TEKTIP1: variants seen among roughly 807,000 people sequenced by gnomAD.
TEKTIP1 encodes the protein tektin bundle interacting protein 1.
chr19:3,539,189 C>T, the TEKTIP1 span: 1 of 1,550,546 alleles, frequency 6.4e-7, no homozygotes. Context: ...TGCAAACCCT[C>T]AGGCAAGAGG....
At chr19:3,543,769 C>G in the TEKTIP1 span, 2 of 1,489,472 alleles carry the variant, frequency 1.3e-6, no homozygotes, top group Non-Finnish European at 1.8e-6. Flanking sequence ...GATCCAGGAG[C>G]CCCTTGCTGG....
the TEKTIP1 span, among the ~76,000 whole-genome samples, chr19:3,540,457 C>T: frequency 6.6e-5 from 10 of 151,422 alleles, no homozygotes; most frequent in Middle Eastern, 3.4e-3. Flanking sequence ...GGGGTTTCAC[C>T]ATGTTGGCCA....
the TEKTIP1 span, chr19:3,543,304 C>T: frequency 6.5e-6 from 10 of 1,549,018 alleles, no homozygotes; most frequent in South Asian, 1.2e-4. Context: ...GCTGGAAGTA[C>T]ACGCCCATGG....
chr19:3,543,476 G>C, the TEKTIP1 span: 1 of 1,524,820 alleles, frequency 6.6e-7, no homozygotes, highest in Non-Finnish European at 8.8e-7. Context: ...GCCATCGGGT[G>C]AGTGCCCCCC....
At chr19:3,543,679 C>G in the TEKTIP1 span, 4 of 1,534,278 alleles carry the variant, frequency 2.6e-6, no homozygotes, top group Non-Finnish European at 2.6e-6. Flanking sequence ...GCAAGGAATA[C>G]GGTGAGGCTA....
chr19:3,543,947 G>T, the TEKTIP1 span: 1 of 1,551,100 alleles, frequency 6.4e-7, no homozygotes, highest in South Asian at 1.2e-5. Flanking sequence ...AGTGGGTCCT[G>T]GAACCATACT....
chr19:3,543,917 C>T, the TEKTIP1 span: 1 of 1,551,094 alleles, frequency 6.4e-7, no homozygotes, highest in African/African-American at 1.4e-5. Context: ...GCCCGCCCGG[C>T]ACCACCCAGA....
chr19:3,543,129 C>T, the TEKTIP1 span: 30 of 1,511,978 alleles, frequency 2.0e-5, no homozygotes, highest in Admixed American at 1.2e-4. Flanking sequence ...GGAGACCCCA[C>T]GCCGTGGGCC....
the TEKTIP1 span, chr19:3,539,349 T>C: frequency 1.4e-6 from 1 of 702,296 alleles, no homozygotes; most frequent in Non-Finnish European, 2.4e-6. Context: ...GTTTGGGGTC[T>C]TGCACGTGTC....
At chr19:3,540,223 A>G in the TEKTIP1 span, among the ~76,000 whole-genome samples, 2 of 149,636 alleles carry the variant, frequency 1.3e-5, no homozygotes, top group African/African-American at 4.9e-5. Context: ...CCTTCTGAGT[A>G]GCTAGGACTA....
At chr19:3,542,110 A>C in the TEKTIP1 span, 1 of 985,254 alleles carries the variant, frequency 1.0e-6, no homozygotes, top group Non-Finnish European at 1.2e-6. Context: ...GCGCCCAGAC[A>C]ATTTTGTGCT....
the TEKTIP1 span, among the ~76,000 whole-genome samples, chr19:3,541,307 G>A: frequency 6.6e-6 from 1 of 151,844 alleles, no homozygotes; most frequent in African/African-American, 2.4e-5. Flanking sequence ...CTGCATTCCA[G>A]CCTAGGTGAC....
the TEKTIP1 span, chr19:3,541,511 CAG>C: frequency 4.8e-6 from 1 of 208,974 alleles, no homozygotes; most frequent in Non-Finnish European, 8.1e-6. Flanking sequence ...TTAGTAGAGA[CAG>C]TGTTTCACCA....
chr19:3,543,434 C>T, the TEKTIP1 span: 5 of 1,546,094 alleles, frequency 3.2e-6, no homozygotes, highest in Non-Finnish European at 4.4e-6. Context: ...CAACCGCTGG[C>T]ACAGCTGCTA....
the TEKTIP1 span, chr19:3,542,119 CTGTTTTAATTG>C: frequency 3.0e-6 from 3 of 985,178 alleles, no homozygotes; most frequent in African/African-American, 5.2e-5. Flanking sequence ...CAATTTTGTG[CTGTTTTAATTG>C]TGTTTTAAAA....
chr19:3,543,021 C>A, the TEKTIP1 span: 69 of 1,604,158 alleles, frequency 4.3e-5, no homozygotes, highest in South Asian at 6.9e-4. Context: ...GCTTGGGGTG[C>A]GATGTGTGGG....
At chr19:3,543,907 G>A in the TEKTIP1 span, 112 of 1,550,960 alleles carry the variant, frequency 7.2e-5, 2 homozygotes, top group South Asian at 4.5e-4. Context: ...GCACCCCAGC[G>A]CCCGCCCGGC....
the TEKTIP1 span, chr19:3,539,941 TCC>T: frequency 6.6e-6 from 1 of 152,162 alleles, no homozygotes; most frequent in Non-Finnish European, 1.5e-5. Flanking sequence ...TTGCTCCATT[TCC>T]AAGGAAAGAA....
chr19:3,543,899 A>G, the TEKTIP1 span: 1 of 1,550,740 alleles, frequency 6.4e-7, no homozygotes, highest in Non-Finnish European at 8.7e-7. Flanking sequence ...CCCTGTCGGC[A>G]CCCCAGCGCC....
Sources: gnomAD v4.1 joint callset for allele counts (sites outside exome capture counted in the v4.1 genomes callset) on GRCh38, gnomAD v4.1.1 for gene constraint, MANE v1.5 for transcripts, NCBI Gene and HGNC (gene_info 2026-07-23, HGNC 2026-07-21) for gene names.